Variants in TRIM21 observed in about 807,000 individuals in gnomAD.
The protein encoded by TRIM21 is tripartite motif containing 21, also known as E3 ubiquitin-protein ligase TRIM21.
TRIM21 carries 35 observed loss-of-function variants against 36.1 expected under a neutral mutation model. The observed-to-expected ratio is 0.97, with a 90% CI of 0.74 to 1.28. The LOEUF is 1.28. TRIM21 is among the 50% of genes most tolerant of loss of function. The pLI is 0.00. For synonymous variants in TRIM21, 256 were observed against 211.5 expected (o/e 1.21, Z -1.83); for missense variants, 635 against 570.7 (o/e 1.11, Z -1.15).
At position 4,390,241 on chromosome 11, in the gene TRIM21, G is replaced by C; in HGVS notation, c.169C>G (p.Arg57Gly). Residue 57 changes from arginine (R) to glycine (G), a missense_variant, in exon 2 of 7, where the codon CGC becomes GGC. Coordinates refer to ENST00000254436, the MANE Select transcript of TRIM21 (RefSeq NM_003141.4). ...GGCCGGAGATTCTTGAGCAGAAAGCGCTGCCGGCACACAGGACAGACGCTG... is the reference window on the plus strand; with the variant it reads ...GGCCGGAGATTCTTGAGCAGAAAGCCCTGCCGGCACACAGGACAGACGCTG... ...GGSVCPVCRQRFLLKNLRPNR... is the reference protein window; with the variant it reads ...GGSVCPVCRQGFLLKNLRPNR... The C allele has an allele frequency of 1.2e-6, 2 of 1,613,992 alleles. No homozygotes were observed. The highest frequency in any genetic ancestry group is 1.7e-6 in the Non-Finnish European group (2 of 1,179,898).
rs201211100 is a variant in TRIM21, at chr11:4,385,622, C to A, written c.1091G>T (p.Arg364Leu). The A allele has an allele frequency of 2.5e-6, 4 of 1,612,558 alleles. No individual in the cohort carries two copies. The highest frequency in any genetic ancestry group is 1.1e-5 in the South Asian group (1 of 90,734). ...WDLGVCRDSV[R>L]RKGHFLLSSK... is the part of the protein sequence containing the mutation. ...ACTAAGCAAAAAGTGCCCCTTCCTG[C>A]GCACAGAGTCTCTGCAGACACCCAG... is the stretch of plus-strand genomic sequence containing the variant. Residue 364 changes from arginine to leucine, a missense_variant, in exon 7 of 7, where the codon CGC becomes CTC. Physicochemically the swap from Arg to Leu is moderately radical, Grantham distance 102. Coordinates refer to ENST00000254436, the MANE Select transcript of TRIM21 (RefSeq NM_003141.4).
intron 4 of TRIM21, among the ~76,000 whole-genome samples, chr11:4,387,573 C>T (rs913722658): frequency 3.9e-5 from 6 of 152,100 alleles, no homozygotes; most frequent in African/African-American, 1.4e-4. Flanking sequence ...GCCTGGTTTA[C>T]AGACAGGTGT....
rs2094961285 is a variant in TRIM21, at chr11:4,390,134, A to C, written c.276T>G (p.Cys92Trp). The C allele has an allele frequency of 1.9e-6, 3 of 1,614,018 alleles. No homozygotes were observed. The highest frequency in any genetic ancestry group is 2.5e-6 in the Non-Finnish European group (3 of 1,179,882). The change falls in exon 2 of 7, where the codon TGT (cysteine) becomes TGG (tryptophan). Residue 92 changes from cysteine to tryptophan, a missense_variant. Physicochemically the swap from Cys to Trp is radical, Grantham distance 215 (BLOSUM62 -2). Coordinates refer to ENST00000254436, the MANE Select transcript of TRIM21 (RefSeq NM_003141.4). ...GGTGAAGTCTCTCTCCATGCACTGC[A>C]CACCGTTCCCCCTGTGTGCCCTCTC... ...EAREGTQGER[C>W]AVHGERLHLF... is the part of the protein sequence containing the mutation.
At chr11:4,392,133 C>T (rs1044998540) in intron 1 of TRIM21, among the ~76,000 whole-genome samples, 1 of 151,852 alleles carries the variant, frequency 6.6e-6, no homozygotes. Flanking sequence ...CCCACTTACC[C>T]TGATGTGATT....
At position 4,385,708 on chromosome 11, in the gene TRIM21, C is replaced by G. The variant is rs1363515280; in HGVS notation, c.1005G>C (p.Gln335His). Residue 335 changes from glutamine (Q) to histidine (H), a missense_variant, in exon 7 of 7, where the codon CAG (glutamine) becomes CAC (histidine). Coordinates refer to ENST00000254436, the MANE Select transcript of TRIM21 (RefSeq NM_003141.4). ...AGTAATGTTTTCCAGAGTGAAAGTG[C>G]TGGGCACCCAGGACCATAGGATAAC... ...FDSYPMVLGA[Q>H]HFHSGKHYWE... The G allele has an allele frequency of 1.9e-6, 3 of 1,613,108 alleles. No individual in the cohort carries two copies. Among genetic ancestry groups the G allele is most frequent in the South Asian group, 2.2e-5 (2 of 90,868 alleles).
At chr11:4,392,246 T>C (rs2094963842) in intron 1 of TRIM21, among the ~76,000 whole-genome samples, 1 of 151,292 alleles carries the variant, frequency 6.6e-6, no homozygotes, top group Admixed American at 6.6e-5. Context: ...AAAAACAAAA[T>C]GATGCAAAGG....
intron 5 of TRIM21, among the ~76,000 whole-genome samples, chr11:4,386,714 C>T (rs2094956667): frequency 6.6e-6 from 1 of 152,070 alleles, no homozygotes; most frequent in South Asian, 2.1e-4. Context: ...CCAGAACTTC[C>T]CAGGATTTCC....
Position 4,385,387 on chromosome 11 carries a change from C to T in TRIM21, c.1326G>A (p.Leu442=), listed in dbSNP as rs776314061. The change falls in exon 7 of 7, where the codon CTG becomes CTA. Residue 442 remains leucine, a synonymous_variant. Coordinates refer to ENST00000254436, the MANE Select transcript of TRIM21 (RefSeq NM_003141.4). ...TGAAACCAGGACTGAAGAAGGGCCG[C>T]AGAGGTCCTGTAAAGGCACATTCAG... ...SFSECAFTGP[L]RPFFSPGFND... 1.4e-4 allele frequency: 230 copies of T among 1,613,664 alleles called. No homozygotes were observed. The highest frequency in any genetic ancestry group is 1.9e-4 in the Non-Finnish European group (223 of 1,179,862).
At chr11:4,392,103 A>C (rs992035184) in intron 1 of TRIM21, among the ~76,000 whole-genome samples, 2 of 152,142 alleles carry the variant, frequency 1.3e-5, no homozygotes, top group Non-Finnish European at 2.9e-5. Flanking sequence ...CAGATGATCA[A>C]TGCTTGAGGT....
intron 4 of TRIM21, among the ~76,000 whole-genome samples, chr11:4,387,644 T>C (rs1343713283): frequency 1.3e-5 from 2 of 151,802 alleles, no homozygotes; most frequent in Admixed American, 1.3e-4. Flanking sequence ...TCACCTACGG[T>C]TGGGAGTTTG....
chr11:4,388,567 G>GA, intron 3 of TRIM21, 37 bp from the exon 4 acceptor site: 3 of 1,588,562 alleles, frequency 1.9e-6, no homozygotes, highest in Non-Finnish European at 2.6e-6. Flanking sequence ...TGGTTTTTAT[G>GA]AAAATCTCCC....
At position 4,386,978 on chromosome 11, in the gene TRIM21, C is replaced by A; in HGVS notation, c.748G>T (p.Val250Phe). The A allele has an allele frequency of 6.3e-7, 1 of 1,582,910 alleles. No homozygotes were observed. The highest frequency in any genetic ancestry group is 8.6e-7 in the Non-Finnish European group (1 of 1,163,038). Residue 250 changes from valine to phenylalanine, a missense_variant, in exon 5 of 7, where the codon GTC becomes TTC. Transcript: ENST00000254436. ...AAAACTCCTCCTTACCTTTCCAGGA[C>A]AATTATCACCTCCTGAGGAGAAAAG... ...ALELLQEVII[V>F]LERSESWNLK...
chr11:4,387,002 A>G lies in TRIM21; in HGVS notation c.736-12T>C, dbSNP rs779395617. 4.4e-6 allele frequency: 7 copies of G among 1,573,518 alleles called. No individual in the cohort carries two copies. The Admixed American group carries it at 5.5e-5, about 12-fold the overall frequency. On this transcript the variant is annotated splice_polypyrimidine_tract_variant and intron_variant, in intron 4 of 6. Transcript: ENST00000254436. ...ACAATTATCACCTCCTGAGGAGAAA[A>G]GAGACAGAAAGTAAGTTCTGGATTG...
intron 4 of TRIM21, 108 bp from the exon 5 acceptor site, chr11:4,387,098 C>T (rs923290538): frequency 1.8e-6 from 2 of 1,126,380 alleles, no homozygotes; most frequent in East Asian, 2.6e-5. Flanking sequence ...CACTGTTCCT[C>T]TCCTTCCTCT....
chr11:4,392,237 AAAAC>A (rs200911631), intron 1 of TRIM21, among the ~76,000 whole-genome samples: 443 of 152,264 alleles, frequency 2.9e-3, no homozygotes, highest in Non-Finnish European at 4.7e-3. Flanking sequence ...TAAAAAAAGA[AAAAC>A]AAAATGATGC....
intron 2 of TRIM21, 27 bp from the exon 3 acceptor site, chr11:4,389,776 C>T (rs751589231): frequency 1.2e-6 from 2 of 1,604,890 alleles, no homozygotes; most frequent in Non-Finnish European, 1.7e-6. Context: ...CTTATTCGTC[C>T]CCCATGCAAA....
At chr11:4,388,933 G>C (rs957377435) in intron 3 of TRIM21, among the ~76,000 whole-genome samples, 6 of 152,142 alleles carry the variant, frequency 3.9e-5, no homozygotes, top group Non-Finnish European at 7.4e-5. Flanking sequence ...CACAAAGCCA[G>C]GCTCACGCCA....
Position 4,390,447 on chromosome 11 carries a change from T to C in TRIM21, c.-38A>G. ...CGTTAAACAGCAGTGTGGAGACCTTTAGGGGGTTTGGCTGGGAGAGAAGAA... is the reference window on the plus strand; with the variant it reads ...CGTTAAACAGCAGTGTGGAGACCTTCAGGGGGTTTGGCTGGGAGAGAAGAA... On this transcript the variant is annotated 5_prime_UTR_variant, in exon 2 of 7. Coordinates refer to ENST00000254436, the MANE Select transcript of TRIM21 (RefSeq NM_003141.4). 1.9e-6 allele frequency: 3 copies of C among 1,555,842 alleles called. No homozygotes were observed. The highest frequency in any genetic ancestry group is 2.6e-6 in the Non-Finnish European group (3 of 1,147,530).
chr11:4,391,347 G>A (rs1416908428), intron 1 of TRIM21, among the ~76,000 whole-genome samples: 1 of 152,196 alleles, frequency 6.6e-6, no homozygotes, highest in East Asian at 1.9e-4. Context: ...TTGATTATCA[G>A]AAAAATGCAA....
Sources: allele counts gnomAD v4.1 joint callset (sites outside exome capture counted in the v4.1 genomes callset), GRCh38; gene constraint gnomAD v4.1.1; transcripts MANE v1.5; gene names NCBI Gene and HGNC (gene_info 2026-07-23, HGNC 2026-07-21).